Variants in CELF4 observed in about 807,000 individuals in gnomAD.
CELF4 encodes CUG-BP- and ETR-3-like factor 4.
Under a neutral mutation model 59.9 loss-of-function variants are expected in CELF4, and 18 were observed. That is an observed-to-expected ratio of 0.30 (90% confidence interval 0.21 to 0.45). The LOEUF (loss-of-function observed/expected upper bound fraction) is 0.45, where lower values mean the gene tolerates loss of function less well. Ranked by LOEUF, CELF4 falls within the 20% of genes least tolerant of loss-of-function variation. CELF4 has a pLI of 1.00. For missense variants in CELF4, 456 were observed against 689.0 expected (o/e 0.66, Z 3.79); for synonymous variants, 261 against 267.1 (o/e 0.98, Z 0.22).
intron 2 of CELF4, among the ~76,000 whole-genome samples, chr18:37,386,405 G>A (rs1373052833): frequency 1.3e-5 from 2 of 152,212 alleles, no homozygotes; most frequent in Non-Finnish European, 2.9e-5. Flanking sequence ...CCTTGCGGTC[G>A]TGGGGAGAGA....
At chr18:37,519,873 G>C (rs2099955233) in intron 1 of CELF4, among the ~76,000 whole-genome samples, 1 of 152,246 alleles carries the variant, frequency 6.6e-6, no homozygotes, top group African/African-American at 2.4e-5. Context: ...CAGTGAGGCA[G>C]GGGGCCTGAG....
chr18:37,436,083 A>G (rs898959494), intron 2 of CELF4, among the ~76,000 whole-genome samples: 22 of 152,160 alleles, frequency 1.4e-4, no homozygotes, highest in African/African-American at 5.3e-4. Context: ...TGCTGGGCTG[A>G]AAATAGTCCT....
chr18:37,273,144 G>A lies in CELF4; in HGVS notation c.821C>T (p.Ala274Val). ...YAQALMQQQA[A>V]LMASVAQGGY... is the part of the protein sequence containing the mutation. The stretch of plus-strand genomic sequence containing the variant: ...GCCCTGCGCGACTGATGCCATCAGG[G>A]CCGCTTGCTGCTGCATCAGCTGGGG... The change falls in exon 7 of 13, where the codon GCC becomes GTC. Residue 274 changes from alanine (A) to valine (V), a missense_variant. Coordinates refer to ENST00000420428, the MANE Select transcript of CELF4 (RefSeq NM_020180.4). The A allele has an allele frequency of 1.2e-6, 2 of 1,610,362 alleles. No homozygotes were observed. The highest frequency in any genetic ancestry group is 1.7e-6 in the Non-Finnish European group (2 of 1,177,026).
At chr18:37,291,488 C>T (rs2095330437) in intron 3 of CELF4, among the ~76,000 whole-genome samples, 2 of 152,202 alleles carry the variant, frequency 1.3e-5, no homozygotes, top group South Asian at 4.1e-4. Flanking sequence ...AAATGTGAAA[C>T]TCACCTTGGA....
At chr18:37,367,892 C>G (rs970982874) in intron 2 of CELF4, among the ~76,000 whole-genome samples, 1 of 152,072 alleles carries the variant, frequency 6.6e-6, no homozygotes, top group Admixed American at 6.5e-5. Flanking sequence ...TTCCTTTGTG[C>G]GATTCCAGTT....
At chr18:37,464,212 A>T (rs1213885333) in intron 2 of CELF4, among the ~76,000 whole-genome samples, 2 of 152,202 alleles carry the variant, frequency 1.3e-5, no homozygotes, top group African/African-American at 4.8e-5. Context: ...AGAGACAATT[A>T]GTTTTTGCAA....
chr18:37,333,740 CCATCCATCCATCCATCCGTG>C (rs1166642018), intron 2 of CELF4, among the ~76,000 whole-genome samples: 9 of 148,464 alleles, frequency 6.1e-5, no homozygotes, highest in African/African-American at 2.2e-4. Flanking sequence ...ATCCATCCAT[CCATCCATCCATCCATCCGTG>C]CATCCATCCA....
chr18:37,360,664 T>C (rs1387733782), intron 2 of CELF4, among the ~76,000 whole-genome samples: 7 of 152,206 alleles, frequency 4.6e-5, no homozygotes, highest in Admixed American at 3.3e-4. Flanking sequence ...GGCTATACTC[T>C]TCATGCCTGC....
At chr18:37,368,938 C>A (rs1250056174) in intron 2 of CELF4, among the ~76,000 whole-genome samples, 1 of 152,214 alleles carries the variant, frequency 6.6e-6, no homozygotes, top group Admixed American at 6.5e-5. Context: ...CTGGTGCATA[C>A]AAGCCTGCAC....
chr18:37,288,926 T>C (rs1446451014), intron 3 of CELF4, among the ~76,000 whole-genome samples: 1 of 152,112 alleles, frequency 6.6e-6, no homozygotes, highest in Non-Finnish European at 1.5e-5. Context: ...TACCGTGAAA[T>C]TCCTTTAACA....
intron 2 of CELF4, among the ~76,000 whole-genome samples, chr18:37,435,524 CCA>C (rs2099688625): frequency 1.3e-5 from 2 of 152,130 alleles, no homozygotes; most frequent in African/African-American, 2.4e-5. Flanking sequence ...TCTCTGATCC[CCA>C]GTTTTCTTTG....
chr18:37,290,166 G>A (rs2095236341), intron 3 of CELF4, among the ~76,000 whole-genome samples: 1 of 152,094 alleles, frequency 6.6e-6, no homozygotes, highest in African/African-American at 2.4e-5. Flanking sequence ...TGGGCTGGAG[G>A]GAATGTTCCC....
chr18:37,365,408 C>T (rs2098763448), intron 2 of CELF4, among the ~76,000 whole-genome samples: 1 of 146,944 alleles, frequency 6.8e-6, no homozygotes, highest in Non-Finnish European at 1.5e-5. Flanking sequence ...GGCTAGGAGC[C>T]AAGGGCTGGG....
chr18:37,264,595 C>G, intron 10 of CELF4, 79 bp downstream of exon 10: 1 of 1,257,300 alleles, frequency 8.0e-7, no homozygotes, highest in Non-Finnish European at 1.1e-6. Context: ...ACGCACACCC[C>G]AGCCCAAGGC....
At chr18:37,282,837 T>G (rs977759300) in intron 3 of CELF4, among the ~76,000 whole-genome samples, 2 of 152,006 alleles carry the variant, frequency 1.3e-5, no homozygotes, top group South Asian at 2.1e-4. Context: ...TCAGGATGGC[T>G]CTGAGCCTGA....
chr18:37,264,735 A>T lies in CELF4; in HGVS notation c.1188T>A (p.Tyr396Ter). ...YAGPAAYPAA[Y>*]GQISQAFPQP... is the part of the protein sequence containing the mutation. ...GAGGAAAGGCCTGGCTTATCTGACC[A>T]TAGGCAGCAGGGTAGGCAGCTGCTG... Residue 396 changes from tyrosine (Y) to a stop codon, truncating the protein, a stop_gained, in exon 10 of 13, where the codon TAT (tyrosine) becomes TAA (stop). Coordinates refer to ENST00000420428, the MANE Select transcript of CELF4 (RefSeq NM_020180.4). LOFTEE classifies it high-confidence loss of function. 6.3e-7 allele frequency: 1 copy of T among 1,578,356 alleles called. No homozygotes were observed. Among genetic ancestry groups the T allele is most frequent in the Non-Finnish European group, 8.6e-7 (1 of 1,161,252 alleles).
intron 2 of CELF4, among the ~76,000 whole-genome samples, chr18:37,414,653 G>A (rs546969896): frequency 1.8e-4 from 28 of 151,624 alleles, no homozygotes; most frequent in African/African-American, 6.3e-4. Flanking sequence ...AGCCACCACC[G>A]TGCCCGGCTA....
chr18:37,425,240 C>T (rs934420325), intron 2 of CELF4, among the ~76,000 whole-genome samples: 2 of 152,226 alleles, frequency 1.3e-5, no homozygotes, highest in Non-Finnish European at 2.9e-5. Context: ...ATGATGCTAC[C>T]GGCCTCGTGT....
At chr18:37,533,302 G>C (rs1477845360) in intron 1 of CELF4, among the ~76,000 whole-genome samples, 1 of 152,190 alleles carries the variant, frequency 6.6e-6, no homozygotes, top group Non-Finnish European at 1.5e-5. Flanking sequence ...GATTTGCTGA[G>C]CCACACAGAA....
Sources: gnomAD v4.1 joint callset for allele counts (sites outside exome capture counted in the v4.1 genomes callset) on GRCh38, gnomAD v4.1.1 for gene constraint, MANE v1.5 for transcripts, NCBI Gene and HGNC (gene_info 2026-07-23, HGNC 2026-07-21) for gene names.